Variants in RAP1B observed in about 807,000 individuals in gnomAD.
RAP1B encodes the protein RAP1B, member of RAS oncogene family, also known as ras-related protein Rap-1b.
RAP1B carries 1 observed loss-of-function variant against 27.5 expected under a neutral mutation model. That is an observed-to-expected ratio of 0.04 (90% CI 0.01 to 0.17). The LOEUF is 0.17. Among genes scored for constraint, RAP1B ranks in the 10% least tolerant of loss-of-function variants. The pLI, the probability that RAP1B is intolerant of heterozygous loss-of-function variation, is 1.00. For missense variants in RAP1B, 84 were observed against 214.8 expected (o/e 0.39, Z 3.81); for synonymous variants, 75 against 73.1 (o/e 1.03, Z -0.13).
chr12:68,649,119 CAG>C (rs1873631335), intron 2 of RAP1B: 1 of 197,240 alleles, frequency 5.1e-6, no homozygotes, highest in African/African-American at 2.4e-5. Context: ...TTTTTTGAAA[CAG>C]GGTCTCACTC....
At chr12:68,628,208 A>C (rs1223487477) in intron 1 of RAP1B, among the ~76,000 whole-genome samples, 1 of 152,186 alleles carries the variant, frequency 6.6e-6, no homozygotes, top group East Asian at 1.9e-4. Context: ...CATGTACTTT[A>C]ACTTGAGATG....
Position 68,636,407 on chromosome 12 carries a change from A to C in RAP1B, c.-26-12292A>C, listed in dbSNP as rs576801322. Among the ~76,000 whole-genome samples, 52 of 152,296 alleles carry C rather than the reference A, an allele frequency of 3.4e-4. 1 individual carries two copies. The South Asian group carries it at 0.01, about 30-fold the overall frequency. On this transcript the variant is annotated intron_variant, in intron 1 of 7. Coordinates refer to ENST00000250559, the MANE Select transcript of RAP1B (RefSeq NM_001010942.3). ...TTTTTACTGGACTGTGATTCCTAGAAGGCAAGTATAAGCACTGTTTTTTTG... is the reference window on the plus strand; with the variant it reads ...TTTTTACTGGACTGTGATTCCTAGACGGCAAGTATAAGCACTGTTTTTTTG...
chr12:68,636,409 G>A (rs1872633655), intron 1 of RAP1B, among the ~76,000 whole-genome samples: 1 of 152,140 alleles, frequency 6.6e-6, no homozygotes, highest in African/African-American at 2.4e-5. Flanking sequence ...TTCCTAGAAG[G>A]CAAGTATAAG....
rs774804920 is a variant in RAP1B at position 68,667,515 on chromosome 12, G to A, written c.*8266G>A. On this transcript the variant is annotated 3_prime_UTR_variant, in exon 8 of 8. Transcript: ENST00000250559. ...TTTTATATGTGTTAGTACATTCAGC[G>A]TTAGGGTTGGGTTTCTTGTCTCTGT... 5 of 152,188 alleles carry A rather than the reference G, an allele frequency of 3.3e-5. No individual in the cohort carries two copies. The highest frequency in any genetic ancestry group is 6.5e-5 in the Admixed American group (1 of 15,282). The allele number at this position is 152,188 out of a possible 1,614,324, so 9.4% of individuals were successfully genotyped here.
chr12:68,615,991 T>G (rs1003382153), intron 1 of RAP1B, among the ~76,000 whole-genome samples: 1 of 150,460 alleles, frequency 6.6e-6, no homozygotes, highest in African/African-American at 2.5e-5. Flanking sequence ...TGAGATGGAG[T>G]CCCACTCTGT....
At position 68,662,034 on chromosome 12, in the gene RAP1B, T is replaced by TATATA. The variant is rs1874626129; in HGVS notation, c.*2786_*2790dup. On this transcript the variant is annotated 3_prime_UTR_variant, in exon 8 of 8. Coordinates refer to ENST00000250559, the MANE Select transcript of RAP1B (RefSeq NM_001010942.3). ...TATATATATATATATATATATATAT[T>TATATA]ATATATAGTACATATATAGAGAGAG... 1.6e-5 allele frequency: 2 copies of TATATA among 127,798 alleles called. No individual in the cohort carries two copies. The highest frequency in any genetic ancestry group is 7.7e-5 in the Admixed American group (1 of 12,914). 7.9% of individuals were successfully genotyped at this position (127,798 alleles called of 1,614,324 possible).
chr12:68,627,174 C>T, intron 1 of RAP1B: 2 of 1,557,172 alleles, frequency 1.3e-6, no homozygotes, highest in South Asian at 1.1e-5. Flanking sequence ...ACCTCGCATG[C>T]CTGTTTGGAA....
Position 68,653,335 on chromosome 12 carries a change from T to C in RAP1B, c.184-777T>C, listed in dbSNP as rs547181237. Among the ~76,000 whole-genome samples, 7 of 152,302 alleles carry C rather than the reference T, an allele frequency of 4.6e-5. No individual in the cohort carries two copies. In the East Asian group the frequency reaches 1.4e-3, roughly 29 times the overall value. On this transcript the variant is annotated intron_variant, in intron 4 of 7. Coordinates refer to ENST00000250559, the MANE Select transcript of RAP1B (RefSeq NM_001010942.3). ...CGGTGTATGGTATTCATTCAGCTAA[T>C]GTTTGAATACCTGATACATGTCAGG...
chr12:68,659,261 A>AT lies in RAP1B; in HGVS notation c.*31-12dup, dbSNP rs572613150. ...TTTTTCTAGCCCATGTTTTTAATTA[A>AT]TTTTTTTCCTTTTGACAGGTCTGAA... is the stretch of plus-strand genomic sequence containing the variant. On this transcript the variant is annotated intron_variant, in intron 7 of 7. Transcript: ENST00000250559. The AT allele has an allele frequency of 1.0e-4, 47 of 456,550 alleles. No individual in the cohort carries two copies. Among genetic ancestry groups the AT allele is most frequent in the African/African-American group, 8.0e-4 (40 of 50,088 alleles). The allele number at this position is 456,550 out of a possible 1,614,324, so 28.3% of individuals were successfully genotyped here.
At position 68,671,798 on chromosome 12, in the gene RAP1B, A is replaced by G. The variant is rs1875104320; in HGVS notation, c.*12549A>G. Reference sequence around the variant, plus strand: ...AAGTAAATAACATTTTCTGGAATATAAAAAAAAAAGCTATATGAATGTCAT... The same window carrying G: ...AAGTAAATAACATTTTCTGGAATATGAAAAAAAAAGCTATATGAATGTCAT... On this transcript the variant is annotated 3_prime_UTR_variant, in exon 8 of 8. Coordinates refer to ENST00000250559, the MANE Select transcript of RAP1B (RefSeq NM_001010942.3). 6 of 147,272 alleles carry G rather than the reference A, an allele frequency of 4.1e-5. No homozygotes were observed. Among genetic ancestry groups the G allele is most frequent in the Non-Finnish European group, 1.5e-5 (1 of 66,566 alleles). 9.1% of individuals were successfully genotyped at this position (147,272 alleles called of 1,614,324 possible).
rs966226853 is a variant in RAP1B, at chr12:68,654,355, G to GA, written c.324+103_324+104insA. 6.2e-5 allele frequency: 29 copies of GA among 464,112 alleles called. 8 individuals carry two copies. Among genetic ancestry groups the GA allele is most frequent in the East Asian group, 2.0e-4 (2 of 9,946 alleles). 28.7% of individuals were successfully genotyped at this position (464,112 alleles called of 1,614,324 possible). A position where few individuals can be genotyped will look rare whatever the true frequency, so the allele number is the denominator to read the frequency against. ...TTAAAGCTTGTGTATTTTGGTTGGG[G>GA]GGGGGGTGTTGGTTTTTTTAAACTT... is the stretch of plus-strand genomic sequence containing the variant. On this transcript the variant is annotated intron_variant, in intron 5 of 7. Transcript: ENST00000250559.
intron 1 of RAP1B, among the ~76,000 whole-genome samples, chr12:68,641,788 A>G (rs1220213082): frequency 7.1e-6 from 1 of 139,948 alleles, no homozygotes; most frequent in Non-Finnish European, 1.6e-5. Context: ...CTCTGAATCA[A>G]AGGTAAAAAA....
At chr12:68,623,023 T>G (rs1261674020) in intron 1 of RAP1B, among the ~76,000 whole-genome samples, 1 of 152,242 alleles carries the variant, frequency 6.6e-6, no homozygotes, top group Non-Finnish European at 1.5e-5. Context: ...TTTAAAGTTT[T>G]ATATCTATGT....
chr12:68,617,963 C>T lies in RAP1B; in HGVS notation c.-27+6920C>T, dbSNP rs1203748266. ...ATTTTTTGTAGAGACGGGGTCTCACCATGTTGCCCATGCTGGTCTGAACTC... is the reference window on the plus strand; with the variant it reads ...ATTTTTTGTAGAGACGGGGTCTCACTATGTTGCCCATGCTGGTCTGAACTC... On this transcript the variant is annotated intron_variant, in intron 1 of 7. Transcript: ENST00000250559. 2.0e-5 allele frequency among the ~76,000 whole-genome samples: 3 copies of T among 151,974 alleles called. No homozygotes were observed. In the East Asian group the frequency reaches 5.8e-4, roughly 29 times the overall value.
chr12:68,613,925 C>T (rs527791765), intron 1 of RAP1B, among the ~76,000 whole-genome samples: 2 of 152,136 alleles, frequency 1.3e-5, no homozygotes, highest in African/African-American at 2.4e-5. Flanking sequence ...TTTCTCTTAG[C>T]TGTATAAAGG....
chr12:68,633,259 T>G (rs748704254), intron 1 of RAP1B, among the ~76,000 whole-genome samples: 1 of 152,004 alleles, frequency 6.6e-6, no homozygotes, highest in Non-Finnish European at 1.5e-5. Flanking sequence ...TCAATCATAC[T>G]CATCCCGTTC....
intron 1 of RAP1B, among the ~76,000 whole-genome samples, chr12:68,635,297 A>T (rs1872553808): frequency 6.6e-6 from 1 of 152,096 alleles, no homozygotes; most frequent in Non-Finnish European, 1.5e-5. Context: ...CTGACAGTTG[A>T]ATTAGTTGAT....
chr12:68,659,929 A>G lies in RAP1B; in HGVS notation c.*680A>G, dbSNP rs1012377138. The G allele has an allele frequency of 1.3e-5, 2 of 150,342 alleles. No individual in the cohort carries two copies. The highest frequency in any genetic ancestry group is 3.0e-5 in the Non-Finnish European group (2 of 67,542). The allele number at this position is 150,342 out of a possible 1,614,324, so 9.3% of individuals were successfully genotyped here. A position where few individuals can be genotyped will look rare whatever the true frequency, so the allele number is the denominator to read the frequency against. ...AATGTCCAGACTTTTCAAATCTCTT[A>G]TTATATGTTTCCTTTTTTTGTTTAC... On this transcript the variant is annotated 3_prime_UTR_variant, in exon 8 of 8. Coordinates refer to ENST00000250559, the MANE Select transcript of RAP1B (RefSeq NM_001010942.3).
chr12:68,648,844 A>G (rs533395265), intron 2 of RAP1B, 63 bp downstream of exon 2: 10 of 1,423,638 alleles, frequency 7.0e-6, no homozygotes, highest in South Asian at 2.6e-5. Flanking sequence ...GTTGAGTTTT[A>G]GGTTTTGATG....
Sources: allele counts gnomAD v4.1 joint callset (sites outside exome capture counted in the v4.1 genomes callset), GRCh38; gene constraint gnomAD v4.1.1; transcripts MANE v1.5; gene names NCBI Gene and HGNC (gene_info 2026-07-23, HGNC 2026-07-21).